The following RALGPS2 variants were observed in gnomAD, a reference collection of about 807,000 sequenced individuals.
The protein encoded by RALGPS2 is Ral GEF with PH domain and SH3 binding motif 2, also known as ras-specific guanine nucleotide-releasing factor RalGPS2.
RALGPS2 carries 43 observed loss-of-function variants against 86.8 expected under a neutral mutation model. The observed-to-expected ratio is 0.50, with a 90% CI of 0.39 to 0.64. The LOEUF is 0.64. Ranked by LOEUF, RALGPS2 falls within the 30% of genes least tolerant of loss-of-function variation. The pLI is 0.00. For missense variants in RALGPS2, 536 were observed against 694.6 expected, an observed-to-expected ratio of 0.77 and a Z score of 2.57; for synonymous variants, 243 against 231.3, an observed-to-expected ratio of 1.05 and a Z score of -0.46.
Position 178,811,339 on chromosome 1 carries a change from A to C in RALGPS2, c.322A>C (p.Ile108Leu). The C allele has an allele frequency of 6.5e-7, 1 of 1,550,182 alleles. No individual in the cohort carries two copies. Among genetic ancestry groups the C allele is most frequent in the Non-Finnish European group, 8.6e-7 (1 of 1,157,378 alleles). ...NHVSFWVVRE[I>L]LHAQTLKIRA... Reference sequence around the variant, plus strand: ...GGTAAGCTTTTGGGTTGTTAGAGAGATTCTTCATGCTCAAACATTAAAAAT... The same window carrying C: ...GGTAAGCTTTTGGGTTGTTAGAGAGCTTCTTCATGCTCAAACATTAAAAAT... The change falls in exon 6 of 20, where the codon ATT becomes CTT. Residue 108 changes from isoleucine (I) to leucine (L), a missense_variant. This residue lies in a region of RALGPS2 where 184 missense variants were observed against 296.7 expected (regional missense o/e 0.62). Coordinates refer to ENST00000367635, the MANE Select transcript of RALGPS2 (RefSeq NM_152663.5).
intron 4 of RALGPS2, among the ~76,000 whole-genome samples, chr1:178,788,609 G>A (rs995867811): frequency 6.6e-6 from 1 of 152,120 alleles, no homozygotes; most frequent in Non-Finnish European, 1.5e-5. Flanking sequence ...GGGAAAGTCG[G>A]GGCAAAGGCC....
chr1:178,780,018 GC>G (rs1453301571), intron 2 of RALGPS2, among the ~76,000 whole-genome samples: 3 of 152,180 alleles, frequency 2.0e-5, no homozygotes, highest in Admixed American at 1.3e-4. Context: ...ATAGATGTGA[GC>G]CACTGCATCC....
chr1:178,760,564 G>A (rs1652185060), intron 1 of RALGPS2, among the ~76,000 whole-genome samples: 1 of 152,124 alleles, frequency 6.6e-6, no homozygotes, highest in Admixed American at 6.6e-5. Flanking sequence ...GCCTATGGGT[G>A]TCATTAGATG....
intron 16 of RALGPS2, among the ~76,000 whole-genome samples, chr1:178,895,844 T>C (rs1258868849): frequency 6.6e-6 from 1 of 151,878 alleles, no homozygotes; most frequent in Non-Finnish European, 1.5e-5. Flanking sequence ...GGAGGTGTCA[T>C]TGTGGCTGTT....
intron 8 of RALGPS2, among the ~76,000 whole-genome samples, chr1:178,868,241 C>A (rs1312154887): frequency 6.6e-6 from 1 of 151,774 alleles, no homozygotes; most frequent in Non-Finnish European, 1.5e-5. Flanking sequence ...ACCAATAAAA[C>A]ATTTATTATA....
intron 6 of RALGPS2, among the ~76,000 whole-genome samples, chr1:178,811,833 A>G (rs1655000079): frequency 6.6e-6 from 1 of 152,220 alleles, no homozygotes; most frequent in Non-Finnish European, 1.5e-5. Flanking sequence ...TGATATTACC[A>G]CATTGTTAAC....
At chr1:178,861,029 A>C (rs1254045294) in intron 8 of RALGPS2, among the ~76,000 whole-genome samples, 1 of 152,210 alleles carries the variant, frequency 6.6e-6, no homozygotes, top group African/African-American at 2.4e-5. Context: ...TTAGAATTTG[A>C]AAAGGATATT....
At chr1:178,844,431 G>A (rs912023230) in intron 8 of RALGPS2, among the ~76,000 whole-genome samples, 1 of 152,116 alleles carries the variant, frequency 6.6e-6, no homozygotes, top group Admixed American at 6.5e-5. Context: ...AAATTTATCT[G>A]TAGTTCAATG....
At chr1:178,851,620 G>C (rs535707564) in intron 8 of RALGPS2, among the ~76,000 whole-genome samples, 2 of 152,212 alleles carry the variant, frequency 1.3e-5, no homozygotes, top group South Asian at 2.1e-4. Context: ...GAGTTACAGA[G>C]GGAGAAATTG....
chr1:178,784,887 A>C (rs990405015), intron 3 of RALGPS2, among the ~76,000 whole-genome samples: 2 of 152,080 alleles, frequency 1.3e-5, no homozygotes, highest in Non-Finnish European at 2.9e-5. Flanking sequence ...TGAAAAATGA[A>C]ATATGAAGGT....
At chr1:178,765,376 T>A (rs370590689) in intron 1 of RALGPS2, among the ~76,000 whole-genome samples, 11 of 152,254 alleles carry the variant, frequency 7.2e-5, no homozygotes, top group African/African-American at 2.2e-4. Context: ...GGTTCCGTGA[T>A]GCCCCCAAAG....
At chr1:178,855,151 A>G (rs1220654535) in intron 8 of RALGPS2, among the ~76,000 whole-genome samples, 2 of 152,130 alleles carry the variant, frequency 1.3e-5, no homozygotes, top group African/African-American at 4.8e-5. Flanking sequence ...TGTGTTATCT[A>G]TACTTTGCCA....
intron 4 of RALGPS2, among the ~76,000 whole-genome samples, chr1:178,792,594 C>G (rs776118393): frequency 2.6e-5 from 4 of 152,142 alleles, no homozygotes; most frequent in Non-Finnish European, 5.9e-5. Flanking sequence ...CCTGACAGCT[C>G]CCTCTCCACC....
chr1:178,745,746 T>C (rs1476236060), intron 1 of RALGPS2, among the ~76,000 whole-genome samples: 1 of 151,662 alleles, frequency 6.6e-6, no homozygotes, highest in Non-Finnish European at 1.5e-5. Flanking sequence ...AAAAGCATGA[T>C]CCTTAAAATA....
intron 8 of RALGPS2, chr1:178,850,351 G>A (rs1657092864): frequency 1.3e-5 from 2 of 152,388 alleles, no homozygotes; most frequent in East Asian, 3.8e-4. Context: ...CTGCATTTTT[G>A]TAATACCAAT....
chr1:178,877,313 C>G (rs1186063684), intron 8 of RALGPS2, among the ~76,000 whole-genome samples, 185 bp from the exon 9 acceptor site: 1 of 151,970 alleles, frequency 6.6e-6, no homozygotes, highest in African/African-American at 2.4e-5. Context: ...TGTCTGACCC[C>G]AACTGTATGG....
At chr1:178,726,887 TACAAGTGCTATAGA>T (rs576710629) in intron 1 of RALGPS2, among the ~76,000 whole-genome samples, 28 of 152,228 alleles carry the variant, frequency 1.8e-4, no homozygotes, top group Non-Finnish European at 3.8e-4. Flanking sequence ...ATTATGCTTG[TACAAGTGCTATAGA>T]ACAAGTGCTA....
intron 1 of RALGPS2, among the ~76,000 whole-genome samples, chr1:178,751,369 T>G (rs2102044451): frequency 6.6e-6 from 1 of 152,212 alleles, no homozygotes; most frequent in Non-Finnish European, 1.5e-5. Context: ...CAGACAGAAG[T>G]AAATACGAAG....
chr1:178,775,508 A>C (rs931212435), intron 1 of RALGPS2, among the ~76,000 whole-genome samples: 1 of 152,110 alleles, frequency 6.6e-6, no homozygotes, highest in African/African-American at 2.4e-5. Context: ...GTCATTTTAC[A>C]AAGAGGAAGA....
Sources: allele counts gnomAD v4.1 joint callset (sites outside exome capture counted in the v4.1 genomes callset), GRCh38; gene constraint gnomAD v4.1.1; regional missense constraint gnomAD v4.1.1; transcripts MANE v1.5; gene names NCBI Gene and HGNC (gene_info 2026-07-23, HGNC 2026-07-21).